Variants in EFR3A observed in about 807,000 individuals in gnomAD.
EFR3A encodes protein EFR3 homolog A.
EFR3A carries 76 observed loss-of-function variants against 104.4 expected under a neutral mutation model. That is an observed-to-expected ratio of 0.73 (90% CI 0.60 to 0.88). EFR3A has a LOEUF of 0.88. Ranked by LOEUF, EFR3A falls within the 40% of genes least tolerant of loss-of-function variation. EFR3A has a pLI of 0.00. For missense variants in EFR3A, 985 were observed against 1,012.5 expected, an observed-to-expected ratio of 0.97 and a Z score of 0.37; for synonymous variants, 330 against 330.0, an observed-to-expected ratio of 1.00 and a Z score of 0.00.
At chr8:131,956,740 T>C (rs1450988800) in intron 7 of EFR3A, among the ~76,000 whole-genome samples, 1 of 152,128 alleles carries the variant, frequency 6.6e-6, no homozygotes, top group East Asian at 1.9e-4. Context: ...CAAAATTATA[T>C]TAAAAATTAG....
chr8:131,926,251 G>A (rs1467541331), intron 1 of EFR3A, among the ~76,000 whole-genome samples: 2 of 151,988 alleles, frequency 1.3e-5, no homozygotes, highest in Non-Finnish European at 2.9e-5. Flanking sequence ...ATATATTATG[G>A]TGACTTTAAA....
At position 131,970,484 on chromosome 8, in the gene EFR3A, G is replaced by A. The variant is rs762639229; in HGVS notation, c.1000G>A (p.Val334Met). Residue 334 changes from valine (V) to methionine (M), a missense_variant, in exon 10 of 23, where the codon GTG becomes ATG. Val to Met is a conservative substitution (Grantham distance 21, BLOSUM62 1). Coordinates refer to ENST00000254624, the MANE Select transcript of EFR3A (RefSeq NM_015137.6). ...TAAGTGATCCTTTATAGGTCCGACA[G>A]TGCTGGAAGTCTTCAATACCCTTTT... The part of the protein sequence containing the change: ...IAAKGSIGPT[V>M]LEVFNTLLKH... 5 of 1,613,540 alleles carry A rather than the reference G, an allele frequency of 3.1e-6. No homozygotes were observed. In the East Asian group the frequency reaches 1.1e-4, roughly 36 times the overall value.
chr8:131,947,291 C>T (rs10108409), intron 4 of EFR3A, among the ~76,000 whole-genome samples: 74,143 of 151,682 alleles, frequency 0.49, 18,279 homozygotes, highest in Middle Eastern at 0.58. Context: ...TCTGCACGTG[C>T]TCGTTGACTA....
chr8:131,984,808 TC>T, intron 15 of EFR3A, 120 bp from the exon 16 acceptor site: 1 of 879,824 alleles, frequency 1.1e-6, no homozygotes, highest in African/African-American at 1.7e-5. Context: ...GAAAATAACT[TC>T]TGATAAAGTG....
chr8:131,986,612 C>T (rs976190590), intron 17 of EFR3A, among the ~76,000 whole-genome samples: 9 of 151,700 alleles, frequency 5.9e-5, no homozygotes, highest in African/African-American at 1.5e-4. Flanking sequence ...GGTGAAACCC[C>T]GTCTCTACTA....
chr8:131,983,580 A>G (rs1036729369), intron 14 of EFR3A, among the ~76,000 whole-genome samples: 4 of 151,894 alleles, frequency 2.6e-5, no homozygotes, highest in Admixed American at 6.6e-5. Context: ...CCTCTGTGCA[A>G]TACCTGGGGA....
chr8:131,938,389 A>G (rs1036744219), intron 1 of EFR3A: 10 of 393,752 alleles, frequency 2.5e-5, no homozygotes, highest in African/African-American at 1.7e-4. Context: ...AAAAGTCTAT[A>G]TAGTAATTTC....
At chr8:131,957,056 A>G (rs1819036361) in intron 7 of EFR3A, among the ~76,000 whole-genome samples, 1 of 152,162 alleles carries the variant, frequency 6.6e-6, no homozygotes, top group South Asian at 2.1e-4. Context: ...ACTCAGTTAT[A>G]TTCTTTTCTA....
intron 8 of EFR3A, among the ~76,000 whole-genome samples, chr8:131,963,184 T>A (rs1169890566): frequency 6.6e-6 from 1 of 152,082 alleles, no homozygotes; most frequent in Non-Finnish European, 1.5e-5. Flanking sequence ...AGCAAACACA[T>A]TCAAAAGCTA....
chr8:131,961,233 G>T (rs1447422472), intron 8 of EFR3A, among the ~76,000 whole-genome samples: 1 of 152,200 alleles, frequency 6.6e-6, no homozygotes, highest in Non-Finnish European at 1.5e-5. Context: ...CAAGTTGAGA[G>T]AAGAAGGCTT....
chr8:131,923,765 A>G (rs1817167997), intron 1 of EFR3A, among the ~76,000 whole-genome samples: 1 of 152,024 alleles, frequency 6.6e-6, no homozygotes, highest in Admixed American at 6.6e-5. Context: ...GCTTAACCTT[A>G]TTTGCCAGTG....
intron 2 of EFR3A, among the ~76,000 whole-genome samples, chr8:131,942,834 G>T (rs1818228196): frequency 6.6e-6 from 1 of 151,980 alleles, no homozygotes; most frequent in African/African-American, 2.4e-5. Context: ...AGGGTTCCTA[G>T]GCAAAGAGAT....
intron 1 of EFR3A, among the ~76,000 whole-genome samples, chr8:131,929,003 C>T (rs189336654): frequency 1.3e-5 from 2 of 152,226 alleles, no homozygotes; most frequent in African/African-American, 4.8e-5. Context: ...CTCTAAGTCT[C>T]CTATTTGCCT....
chr8:131,911,830 G>T (rs879571926), intron 1 of EFR3A, among the ~76,000 whole-genome samples: 1 of 152,220 alleles, frequency 6.6e-6, no homozygotes, highest in Non-Finnish European at 1.5e-5. Flanking sequence ...ATCTGAGCAT[G>T]CATTCTTTTC....
At chr8:131,973,683 A>G (rs992894457) in intron 10 of EFR3A, among the ~76,000 whole-genome samples, 2 of 152,170 alleles carry the variant, frequency 1.3e-5, no homozygotes, top group Admixed American at 6.5e-5. Context: ...GCCATGGAAC[A>G]GGGCTGCTAT....
rs138900134 is a variant in EFR3A, at chr8:131,936,749, G to A, written c.11-3750G>A. Reference sequence around the variant, plus strand: ...TAAGAAGGAGACAGATGAACAGCCGGATGGAAAAGATGCATAGGTCCAAGT... The same window carrying A: ...TAAGAAGGAGACAGATGAACAGCCGAATGGAAAAGATGCATAGGTCCAAGT... On this transcript the variant is annotated intron_variant, in intron 1 of 22. Coordinates refer to ENST00000254624, the MANE Select transcript of EFR3A (RefSeq NM_015137.6). Among the ~76,000 whole-genome samples, 369 of 152,164 alleles carry A rather than the reference G, an allele frequency of 2.4e-3. 2 individuals carry two copies. Among genetic ancestry groups the A allele is most frequent in the African/African-American group, 8.2e-3 (342 of 41,500 alleles).
intron 14 of EFR3A, among the ~76,000 whole-genome samples, chr8:131,983,737 A>G (rs1487255928): frequency 6.6e-6 from 1 of 152,112 alleles, no homozygotes; most frequent in Non-Finnish European, 1.5e-5. Context: ...GCCTCAGTAC[A>G]TTTCCTCTCA....
intron 8 of EFR3A, among the ~76,000 whole-genome samples, chr8:131,965,271 C>G (rs559195879): frequency 8.5e-5 from 13 of 152,170 alleles, no homozygotes; most frequent in South Asian, 2.1e-4. Context: ...CCATCAGAGT[C>G]AACAGGCAAC....
intron 1 of EFR3A, among the ~76,000 whole-genome samples, chr8:131,918,285 T>TCAACAA (rs570798606): frequency 2.6e-5 from 4 of 152,048 alleles, no homozygotes; most frequent in African/African-American, 4.8e-5. Flanking sequence ...AGACTCTGTC[T>TCAACAA]CAACAACAAC....
Sources: allele counts gnomAD v4.1 joint callset (sites outside exome capture counted in the v4.1 genomes callset), GRCh38; gene constraint gnomAD v4.1.1; transcripts MANE v1.5; gene names NCBI Gene and HGNC (gene_info 2026-07-23, HGNC 2026-07-21).